LRBA: variants seen among roughly 807,000 people sequenced by gnomAD.
The protein encoded by LRBA is lipopolysaccharide-responsive and beige-like anchor protein.
LRBA carries 176 observed loss-of-function variants against 330.0 expected under a neutral mutation model. That is an observed-to-expected ratio of 0.53 (90% CI 0.47 to 0.60). LRBA has a LOEUF of 0.60. Ranked by LOEUF, LRBA falls within the 20% of genes least tolerant of loss-of-function variation. The pLI is 0.00. For missense variants in LRBA, 3,259 were observed against 3,444.8 expected (o/e 0.95, Z 1.35); for synonymous variants, 1,230 against 1,193.0 (o/e 1.03, Z -0.64).
At chr4:150,949,101 C>A (rs565057299) in intron 2 of LRBA, among the ~76,000 whole-genome samples, 5 of 150,800 alleles carry the variant, frequency 3.3e-5, no homozygotes, top group African/African-American at 1.2e-4. Context: ...CCATTTTTCC[C>A]AAATAAATAA....
Position 150,726,224 on chromosome 4 carries a change from G to A in LRBA, c.5754+9034C>T, listed in dbSNP as rs1457697322. On this transcript the variant is annotated intron_variant, in intron 36 of 56. Coordinates refer to ENST00000651943, the MANE Select transcript of LRBA (RefSeq NM_001364905.1). ...AGTGGCTGAATGAATTAAAAAACAA[G>A]ACCTAATGATCTGTTGCTTGTAAGA... Among the ~76,000 whole-genome samples, 3 of 152,066 alleles carry A rather than the reference G, an allele frequency of 2.0e-5. 1 individual carries two copies. Among genetic ancestry groups the A allele is most frequent in the South Asian group, 4.1e-4 (2 of 4,828 alleles).
intron 52 of LRBA, 120 bp downstream of exon 52, chr4:150,310,109 C>G: frequency 3.1e-6 from 2 of 649,586 alleles, no homozygotes. Flanking sequence ...CCTCTTCTCC[C>G]TATTTTGTAA....
At chr4:150,803,733 C>A (rs948705989) in intron 33 of LRBA, among the ~76,000 whole-genome samples, 1 of 152,126 alleles carries the variant, frequency 6.6e-6, no homozygotes, top group African/African-American at 2.4e-5. Flanking sequence ...CATAAGAACT[C>A]TTAGATTTGT....
chr4:150,835,524 T>C (rs294529), intron 28 of LRBA, among the ~76,000 whole-genome samples: 132,992 of 152,088 alleles, frequency 0.87, 58,556 homozygotes, highest in Non-Finnish European at 0.94. Context: ...CCTTCACATC[T>C]CTTGTAAGTT....
chr4:151,005,838 C>CA (rs1744010625), intron 2 of LRBA, among the ~76,000 whole-genome samples: 1 of 151,970 alleles, frequency 6.6e-6, no homozygotes, highest in African/African-American at 2.4e-5. Context: ...CAGGTGATCC[C>CA]ACCCACCTCG....
intron 36 of LRBA, among the ~76,000 whole-genome samples, chr4:150,731,949 T>G (rs1243727158): frequency 1.3e-5 from 2 of 152,164 alleles, no homozygotes; most frequent in South Asian, 2.1e-4. Context: ...AAATATCTCA[T>G]GTACTACATA....
intron 2 of LRBA, 33 bp downstream of exon 2, chr4:151,014,394 G>C (rs1474114579): frequency 6.5e-7 from 1 of 1,546,572 alleles, no homozygotes; most frequent in Non-Finnish European, 8.9e-7. Context: ...CCACTGAAAA[G>C]AGTATATGCT....
intron 53 of LRBA, among the ~76,000 whole-genome samples, chr4:150,292,630 C>G (rs1728461004): frequency 6.6e-6 from 1 of 152,124 alleles, no homozygotes; most frequent in Admixed American, 6.5e-5. Flanking sequence ...TTCCTTCACT[C>G]CTTCATTCAC....
At position 150,806,303 on chromosome 4, in the gene LRBA, C is replaced by T; in HGVS notation, c.5486G>A (p.Ser1829Asn). ...APFLSRTLLGSHGQELLIEGT... is the reference protein window; with the variant it reads ...APFLSRTLLGNHGQELLIEGT... ...TTCTATAAGCAGTTCTTGTCCATGG[C>T]TACCCAAAAGTGTCCGAGAAAGAAA... Residue 1829 changes from serine to asparagine, a missense_variant, in exon 33 of 57, where the codon AGC becomes AAC. Transcript: ENST00000651943. The T allele has an allele frequency of 1.2e-6, 2 of 1,606,702 alleles. No homozygotes were observed. Among genetic ancestry groups the T allele is most frequent in the South Asian group, 2.2e-5 (2 of 89,650 alleles).
chr4:150,961,610 C>T (rs1216447018), intron 2 of LRBA, among the ~76,000 whole-genome samples: 1 of 149,312 alleles, frequency 6.7e-6, no homozygotes, highest in East Asian at 1.9e-4. Context: ...AGCAAGTAGA[C>T]AAGCTGACTC....
chr4:150,403,318 T>C (rs1187007871), intron 47 of LRBA, among the ~76,000 whole-genome samples: 1 of 152,186 alleles, frequency 6.6e-6, no homozygotes, highest in Non-Finnish European at 1.5e-5. Context: ...CTCTGTGAAT[T>C]CAATTTCTTC....
At chr4:150,726,978 A>C (rs1280099597) in intron 36 of LRBA, among the ~76,000 whole-genome samples, 1 of 125,028 alleles carries the variant, frequency 8.0e-6, no homozygotes. Flanking sequence ...GATCTCACGG[A>C]CAAAAAAAAA....
chr4:150,279,454 T>C (rs889674890), intron 55 of LRBA, among the ~76,000 whole-genome samples: 20 of 152,230 alleles, frequency 1.3e-4, no homozygotes, highest in Non-Finnish European at 2.1e-4. Context: ...CACAGGGGAA[T>C]ACAGATTGTG....
intron 47 of LRBA, among the ~76,000 whole-genome samples, chr4:150,411,568 A>T (rs1484335803): frequency 6.6e-6 from 1 of 152,176 alleles, no homozygotes; most frequent in Non-Finnish European, 1.5e-5. Context: ...AGGAAGAGGG[A>T]CAGCTGCAAC....
At chr4:150,492,167 G>GT (rs1759036688) in intron 40 of LRBA, among the ~76,000 whole-genome samples, 2 of 92,606 alleles carry the variant, frequency 2.2e-5, no homozygotes, top group Non-Finnish European at 5.3e-5. Flanking sequence ...GCAGAATGTA[G>GT]TTTTTTTGAA....
chr4:150,767,864 C>T (rs1214791571), intron 34 of LRBA, among the ~76,000 whole-genome samples: 1 of 151,212 alleles, frequency 6.6e-6, no homozygotes, highest in Non-Finnish European at 1.5e-5. Context: ...GAGATCAAGA[C>T]CAACCTGGCC....
intron 35 of LRBA, among the ~76,000 whole-genome samples, chr4:150,746,392 A>T (rs988984607): frequency 6.6e-6 from 1 of 152,092 alleles, no homozygotes; most frequent in African/African-American, 2.4e-5. Flanking sequence ...TTATTTATCC[A>T]GTTACTGAAG....
chr4:150,649,616 C>A (rs968516153), intron 37 of LRBA, among the ~76,000 whole-genome samples: 3 of 152,124 alleles, frequency 2.0e-5, no homozygotes, highest in African/African-American at 7.2e-5. Flanking sequence ...TTTTATGTCA[C>A]CTTTAAACCT....
chr4:150,633,755 C>T (rs1257529235), intron 37 of LRBA, among the ~76,000 whole-genome samples: 4 of 152,156 alleles, frequency 2.6e-5, no homozygotes, highest in Non-Finnish European at 5.9e-5. Context: ...TACACACATC[C>T]ACTCACTATC....
Sources: allele counts gnomAD v4.1 joint callset (sites outside exome capture counted in the v4.1 genomes callset), GRCh38; gene constraint gnomAD v4.1.1; transcripts MANE v1.5; gene names NCBI Gene and HGNC (gene_info 2026-07-23, HGNC 2026-07-21).